PCDHA4: variants seen among roughly 807,000 people sequenced by gnomAD.
PCDHA4 encodes protocadherin alpha-4.
PCDHA4 carries 49 observed loss-of-function variants against 61.4 expected under a neutral mutation model. The observed-to-expected ratio is 0.80, with a 90% CI of 0.63 to 1.01. PCDHA4 has a LOEUF of 1.01. Ranked by LOEUF, PCDHA4 falls within the 50% of genes least tolerant of loss-of-function variation. The pLI is 0.00. For missense variants in PCDHA4, 1,254 were observed against 1,235.8 expected, an observed-to-expected ratio of 1.01 and a Z score of -0.22; for synonymous variants, 590 against 550.3, an observed-to-expected ratio of 1.07 and a Z score of -1.01.
intron 3 of PCDHA4, chr5:140,989,128 G>T (rs2097330831): frequency 1.3e-5 from 2 of 152,178 alleles, no homozygotes; most frequent in Non-Finnish European, 2.9e-5. Flanking sequence ...AGAAAAATAA[G>T]ACACTTTATC....
chr5:140,851,042 C>A lies in PCDHA4; in HGVS notation c.2385+41470C>A, dbSNP rs2150268615. ...TAAAGTAAACCCCTTAACATTGGAG[C>A]CGACTTTGTCTTGACTTCTAGTGAG... On this transcript the variant is annotated intron_variant, in intron 1 of 3. Coordinates refer to ENST00000530339, the MANE Select transcript of PCDHA4 (RefSeq NM_018907.4). The A allele has an allele frequency of 2.2e-6, 3 of 1,392,218 alleles. No individual in the cohort carries two copies. The East Asian group carries it at 7.5e-5, about 35-fold the overall frequency. The allele number at this position is 1,392,218 out of a possible 1,614,324, so 86.2% of individuals were successfully genotyped here.
intron 1 of PCDHA4, chr5:140,882,750 A>G (rs781948584): frequency 1.9e-5 from 30 of 1,614,128 alleles, no homozygotes; most frequent in Non-Finnish European, 2.4e-5. Context: ...TCCGATGCAG[A>G]TATTGGAGTA....
At chr5:140,923,275 C>T (rs1296197801) in intron 1 of PCDHA4, among the ~76,000 whole-genome samples, 1 of 152,128 alleles carries the variant, frequency 6.6e-6, no homozygotes, top group African/African-American at 2.4e-5. Flanking sequence ...CTTGTCTCTA[C>T]AAAAAATTAA....
chr5:140,947,738 T>C (rs2153680991), intron 1 of PCDHA4, among the ~76,000 whole-genome samples: 1 of 151,740 alleles, frequency 6.6e-6, no homozygotes, highest in South Asian at 2.1e-4. Context: ...GTAATACCTA[T>C]TCTTATGTAT....
Position 140,979,003 on chromosome 5 carries a change from C to G in PCDHA4, c.2440C>G (p.His814Asp). ...RYSASLRAGM[H>D]SSVHLEEAGI... Reference sequence around the variant, plus strand: ...CTCTGCCTCCCTGAGAGCAGGCATGCACAGGTATGTATTTCCCTCCTCATT... The same window carrying G: ...CTCTGCCTCCCTGAGAGCAGGCATGGACAGGTATGTATTTCCCTCCTCATT... The change falls in exon 2 of 4, where the codon CAC becomes GAC. Residue 814 changes from histidine (H) to aspartate (D), a missense_variant. By Grantham distance (81) the His-to-Asp change is moderately conservative. Transcript: ENST00000530339. 1.2e-6 allele frequency: 2 copies of G among 1,614,144 alleles called. No homozygotes were observed. The highest frequency in any genetic ancestry group is 1.7e-6 in the Non-Finnish European group (2 of 1,180,022).
rs200360846 is a variant in PCDHA4, at chr5:140,842,668, C to T, written c.2385+33096C>T. On this transcript the variant is annotated intron_variant, in intron 1 of 3. Transcript: ENST00000530339. ...TGTCTGTGGAGGTGGCCGACGTGAA[C>T]GACAATGCTCCGGCGTTCGCGCAGC... 2.5e-4 allele frequency: 393 copies of T among 1,595,370 alleles called. 33 individuals carry two copies. Among genetic ancestry groups the T allele is most frequent in the South Asian group, 1.5e-4 (14 of 90,464 alleles).
At chr5:140,983,171 C>T (rs1371766725) in intron 3 of PCDHA4, among the ~76,000 whole-genome samples, 2 of 152,136 alleles carry the variant, frequency 1.3e-5, no homozygotes, top group Non-Finnish European at 2.9e-5. Flanking sequence ...AACATGACCG[C>T]CTCACAATTT....
At chr5:140,876,282 C>T (rs1227830598) in intron 1 of PCDHA4, 3 of 1,613,872 alleles carry the variant, frequency 1.9e-6, no homozygotes, top group Admixed American at 1.7e-5. Flanking sequence ...CCGATCCAGA[C>T]GAAGGACTTA....
rs1554128638 is a variant in PCDHA4, at chr5:140,822,442, G to T, written c.2385+12870G>T. ...TGATGGAGGAAAACCCGAACTAACA[G>T]GTACAGTTCAGTTGTTGATCAATGT... On this transcript the variant is annotated intron_variant, in intron 1 of 3. Transcript: ENST00000530339. 4 of 1,613,740 alleles carry T rather than the reference G, an allele frequency of 2.5e-6. No homozygotes were observed. Among genetic ancestry groups the T allele is most frequent in the Non-Finnish European group, 3.4e-6 (4 of 1,179,806 alleles).
At chr5:140,999,143 A>G (rs2097848811) in intron 3 of PCDHA4, among the ~76,000 whole-genome samples, 1 of 152,214 alleles carries the variant, frequency 6.6e-6, no homozygotes, top group Non-Finnish European at 1.5e-5. Context: ...CACAGCCGGA[A>G]GTCTTCAGTC....
intron 1 of PCDHA4, among the ~76,000 whole-genome samples, chr5:140,953,471 C>T (rs554082808): frequency 3.9e-5 from 6 of 152,074 alleles, no homozygotes; most frequent in Non-Finnish European, 7.4e-5. Flanking sequence ...TTTTAACTTC[C>T]TCATGCTGTG....
At chr5:140,909,812 A>T (rs1353892202) in intron 1 of PCDHA4, among the ~76,000 whole-genome samples, 1 of 151,982 alleles carries the variant, frequency 6.6e-6, no homozygotes, top group Non-Finnish European at 1.5e-5. Context: ...AAAACTCCAT[A>T]AGCCCCTACT....
At chr5:141,007,395 C>CAAAAAAAAAAA (rs35800918) in intron 3 of PCDHA4, among the ~76,000 whole-genome samples, 6 of 94,856 alleles carry the variant, frequency 6.3e-5, no homozygotes, top group South Asian at 3.5e-4. Flanking sequence ...TACTAAAATA[C>CAAAAAAAAAAA]AAAAAAAAAA....
At chr5:140,979,052 G>T (rs2096833352) in intron 2 of PCDHA4, 45 bp downstream of exon 2, 1 of 1,609,668 alleles carries the variant, frequency 6.2e-7, no homozygotes, top group Non-Finnish European at 8.5e-7. Context: ...CCTTAACTTG[G>T]TATGGCTCAG....
chr5:140,886,931 G>C (rs1426144437), intron 1 of PCDHA4, among the ~76,000 whole-genome samples: 1 of 151,756 alleles, frequency 6.6e-6, no homozygotes, highest in South Asian at 2.1e-4. Flanking sequence ...CTATGTGCCA[G>C]GCATGTTCTA....
chr5:140,842,396 G>A, intron 1 of PCDHA4: 2 of 1,611,442 alleles, frequency 1.2e-6, no homozygotes, highest in South Asian at 2.2e-5. Context: ...ATCCTTGCCT[G>A]TACGTGAAGA....
chr5:140,913,410 C>T (rs375204256), intron 1 of PCDHA4, among the ~76,000 whole-genome samples: 6 of 152,040 alleles, frequency 3.9e-5, no homozygotes, highest in African/African-American at 1.4e-4. Context: ...CCTTTGAATT[C>T]CTGCAGTATC....
In PCDHA4 at chr5:140,848,617, A is replaced by G; in HGVS notation, c.2385+39045A>G. The G allele has an allele frequency of 4.4e-6, 7 of 1,593,554 alleles. 2 individuals carry two copies. Among genetic ancestry groups the G allele is most frequent in the Non-Finnish European group, 6.0e-6 (7 of 1,163,964 alleles). On this transcript the variant is annotated intron_variant, in intron 1 of 3. Coordinates refer to ENST00000530339, the MANE Select transcript of PCDHA4 (RefSeq NM_018907.4). Reference sequence around the variant, plus strand: ...TACTCCGTCCCGGAGGAAGCCGAACACGGCACCTTCGTGGGCCGCATCGCG... The same window carrying G: ...TACTCCGTCCCGGAGGAAGCCGAACGCGGCACCTTCGTGGGCCGCATCGCG...
At chr5:140,892,998 AT>A (rs2063775886) in intron 1 of PCDHA4, among the ~76,000 whole-genome samples, 1 of 152,170 alleles carries the variant, frequency 6.6e-6, no homozygotes, top group South Asian at 2.1e-4. Context: ...GAGAACATGT[AT>A]TTATTTTTCT....
Sources: allele counts gnomAD v4.1 joint callset (sites outside exome capture counted in the v4.1 genomes callset), GRCh38; gene constraint gnomAD v4.1.1; transcripts MANE v1.5; gene names NCBI Gene and HGNC (gene_info 2026-07-23, HGNC 2026-07-21).